The following UPRT variants were observed in gnomAD, a reference collection of about 807,000 sequenced individuals.
The protein encoded by UPRT is RP11-311P8.3.
UPRT carries 5 observed loss-of-function variants against 22.6 expected under a neutral mutation model. The ratio of observed to expected loss-of-function variants is 0.22; its 90% CI spans 0.12 to 0.47. The LOEUF (loss-of-function observed/expected upper bound fraction) is 0.47. Among genes scored for constraint, UPRT ranks in the 20% least tolerant of loss-of-function variants. The probability of loss-of-function intolerance (pLI) is 0.99; values close to 1 mark genes in which losing one functional copy is unlikely to be tolerated. For missense variants in UPRT, 181 were observed against 239.9 expected (o/e 0.75, Z 1.62); for synonymous variants, 77 against 87.7 (o/e 0.88, Z 0.68).
chrX:75,221,254 T>C (rs777336471), intron 4 of UPRT, among the ~76,000 whole-genome samples: 1 of 110,882 alleles, frequency 9.0e-6, no homozygotes, highest in Admixed American at 9.6e-5. Flanking sequence ...TCTTTCTTTA[T>C]TGTTGACATT....
At chrX:75,180,870 A>G (rs1427898927) in intron 4 of UPRT, among the ~76,000 whole-genome samples, 2 of 109,129 alleles carry the variant, frequency 1.8e-5, no homozygotes, top group Non-Finnish European at 3.8e-5. Flanking sequence ...GTTTACTTCA[A>G]TCCCATTTGT....
At chrX:75,287,655 C>A (rs1320055497) in intron 1 of UPRT, among the ~76,000 whole-genome samples, 1 of 111,109 alleles carries the variant, frequency 9.0e-6, no homozygotes, top group Non-Finnish European at 1.9e-5. Flanking sequence ...ACACAACATA[C>A]CAAAATCTCT....
At chrX:75,193,187 T>C (rs2082321673) in intron 4 of UPRT, among the ~76,000 whole-genome samples, 1 of 111,809 alleles carries the variant, frequency 8.9e-6, no homozygotes, top group African/African-American at 3.3e-5. Context: ...TAGTATTTGC[T>C]TGTTTGAAAA....
At chrX:75,287,942 G>T (rs977312845) in intron 1 of UPRT, among the ~76,000 whole-genome samples, 1 of 110,113 alleles carries the variant, frequency 9.1e-6, no homozygotes, top group Admixed American at 9.6e-5. Flanking sequence ...ATTAACAAAG[G>T]AAAAAAAGGG....
chrX:75,187,561 G>T (rs1307755332), intron 4 of UPRT, among the ~76,000 whole-genome samples: 3 of 111,424 alleles, frequency 2.7e-5, no homozygotes, highest in African/African-American at 9.8e-5. Context: ...TGAATCTGAA[G>T]GTTGGACTGC....
intron 4 of UPRT, among the ~76,000 whole-genome samples, chrX:75,188,282 G>C (rs969307419): frequency 9.0e-6 from 1 of 111,448 alleles, no homozygotes; most frequent in Non-Finnish European, 1.9e-5. Context: ...GTACCTGGGC[G>C]TGTGAGGTGT....
chrX:75,189,043 C>G (rs1701847151), intron 4 of UPRT, among the ~76,000 whole-genome samples: 1 of 111,936 alleles, frequency 8.9e-6, no homozygotes, highest in South Asian at 3.7e-4. Context: ...GCTCCTCCCC[C>G]CGCTTCTCTA....
At chrX:75,280,256 T>A (rs1213334649) in intron 1 of UPRT, among the ~76,000 whole-genome samples, 1 of 111,811 alleles carries the variant, frequency 8.9e-6, no homozygotes, top group Admixed American at 9.5e-5. Context: ...CTGTTTCTTT[T>A]GCTGTGCAAA....
chrX:75,214,293 A>C (rs892823569), intron 4 of UPRT, among the ~76,000 whole-genome samples: 1 of 112,936 alleles, frequency 8.9e-6, no homozygotes, highest in Non-Finnish European at 1.9e-5. Context: ...AAAATGTAGT[A>C]TACACATACA....
At chrX:75,182,245 G>A (rs1049478607) in intron 4 of UPRT, among the ~76,000 whole-genome samples, 4 of 111,837 alleles carry the variant, frequency 3.6e-5, no homozygotes, top group Non-Finnish European at 7.5e-5. Flanking sequence ...TGTGCTGCTG[G>A]ATTCAGTTTG....
At chrX:75,302,700 T>G (rs954633665) in intron 6 of UPRT, among the ~76,000 whole-genome samples, 2 of 111,336 alleles carry the variant, frequency 1.8e-5, no homozygotes, top group African/African-American at 3.3e-5. Context: ...ACATTTTTTC[T>G]TATGCCAAAT....
At chrX:75,268,486 G>A (rs890666646) in intron 4 of UPRT, among the ~76,000 whole-genome samples, 5 of 111,588 alleles carry the variant, frequency 4.5e-5, no homozygotes, top group African/African-American at 1.6e-4. Flanking sequence ...TACCCCTGAT[G>A]AACATCAAGG....
intron 3 of UPRT, among the ~76,000 whole-genome samples, chrX:75,297,054 CT>C (rs936237704): frequency 9.0e-6 from 1 of 111,419 alleles, no homozygotes; most frequent in Non-Finnish European, 1.9e-5. Flanking sequence ...CTTTCTTCTG[CT>C]TTTAAGGCAG....
chrX:75,215,707 A>C (rs1316152087), intron 4 of UPRT, among the ~76,000 whole-genome samples: 1 of 111,647 alleles, frequency 9.0e-6, no homozygotes, highest in Non-Finnish European at 1.9e-5. Context: ...CAGATATTAA[A>C]ATTACCTATT....
intron 1 of UPRT, among the ~76,000 whole-genome samples, chrX:75,276,616 C>T (rs1473719599): frequency 9.0e-6 from 1 of 111,361 alleles, no homozygotes; most frequent in Admixed American, 9.6e-5. Context: ...CTTGGGTCTT[C>T]GACTCCCTCG....
chrX:75,203,481 GAC>G (rs56145702), intron 4 of UPRT, among the ~76,000 whole-genome samples: 11,938 of 90,976 alleles, frequency 0.13, 720 homozygotes, highest in African/African-American at 0.21. Context: ...AAGGGTTAAA[GAC>G]ACACACACAC....
chrX:75,208,806 G>A (rs929269927), intron 4 of UPRT, among the ~76,000 whole-genome samples: 4 of 111,276 alleles, frequency 3.6e-5, no homozygotes, highest in Non-Finnish European at 5.7e-5. Flanking sequence ...AAATGGAGGG[G>A]TTTTGGAGGG....
chrX:75,265,123 C>A (rs1170922946), intron 4 of UPRT, among the ~76,000 whole-genome samples: 1 of 111,584 alleles, frequency 9.0e-6, no homozygotes, highest in African/African-American at 3.3e-5. Context: ...TTTTTTCCTT[C>A]ATTTCAACTT....
At chrX:75,265,009 C>T (rs949395976) in intron 4 of UPRT, among the ~76,000 whole-genome samples, 1 of 111,819 alleles carries the variant, frequency 8.9e-6, no homozygotes, top group African/African-American at 3.2e-5. Context: ...ATATCGGCCC[C>T]CACTCTCTTC....
Sources: gnomAD v4.1 joint callset for allele counts (sites outside exome capture counted in the v4.1 genomes callset) on GRCh38, gnomAD v4.1.1 for gene constraint, MANE v1.5 for transcripts, NCBI Gene and HGNC (gene_info 2026-07-23, HGNC 2026-07-21) for gene names.